Variants in BRIP1 observed in about 807,000 individuals in gnomAD.
BRIP1 encodes Fanconi anemia group J protein.
In BRIP1, 88 loss-of-function variants were observed where a neutral mutation model predicts 119.7. The ratio of observed to expected loss-of-function variants is 0.74; its 90% CI spans 0.62 to 0.88. The LOEUF (loss-of-function observed/expected upper bound fraction) is 0.88. BRIP1 is among the 40% of genes least tolerant of loss of function. The pLI is 0.00. For synonymous variants in BRIP1, 443 were observed against 496.5 expected, an observed-to-expected ratio of 0.89 and a Z score of 1.43; for missense variants, 1,259 against 1,455.4, an observed-to-expected ratio of 0.87 and a Z score of 2.20.
chr17:61,801,246 T>C lies in BRIP1; in HGVS notation c.1140+7A>G, dbSNP rs1299846526. ...AAGAAGGTTCTCATTTTTACACATA[T>C]ACTCACACTTTCCCTTATTTGTGCA... On this transcript the variant is annotated splice_region_variant and intron_variant, in intron 8 of 19. Transcript: ENST00000259008. 9 of 1,603,552 alleles carry C rather than the reference T, an allele frequency of 5.6e-6. No homozygotes were observed. The highest frequency in any genetic ancestry group is 1.1e-5 in the South Asian group (1 of 90,860).
chr17:61,725,145 GTA>G lies in BRIP1; in HGVS notation c.2380-9084_2380-9083del, dbSNP rs78484940. On this transcript the variant is annotated intron_variant, in intron 16 of 19. Transcript: ENST00000259008. The surrounding 1 kb of genome is among the most constrained non-coding windows in gnomAD (Gnocchi z 5.3). ...ATAGTGTGTGTGTGTGTGTGTGTGT[GTA>G]TATACACTTTTTTTAAATGGGGAAA... Among the ~76,000 whole-genome samples the G allele has an allele frequency of 1.3e-4, 20 of 148,842 alleles. No individual in the cohort carries two copies. Among genetic ancestry groups the G allele is most frequent in the Admixed American group, 3.5e-4 (5 of 14,408 alleles).
chr17:61,696,428 G>T (rs1340430947), intron 17 of BRIP1, among the ~76,000 whole-genome samples: 2 of 151,936 alleles, frequency 1.3e-5, no homozygotes, highest in Non-Finnish European at 2.9e-5. Flanking sequence ...TTCTCGTAAT[G>T]TATTTTACTT....
chr17:61,707,498 T>C (rs2061708079), intron 17 of BRIP1, among the ~76,000 whole-genome samples: 1 of 152,138 alleles, frequency 6.6e-6, no homozygotes, highest in Middle Eastern at 3.2e-3. Context: ...TTTTTTCTGT[T>C]CTCATGATCT....
At chr17:61,765,337 T>TATACAC (rs2077335963) in intron 14 of BRIP1, among the ~76,000 whole-genome samples, 1 of 121,724 alleles carries the variant, frequency 8.2e-6, no homozygotes, top group African/African-American at 3.1e-5. Flanking sequence ...CACATACACA[T>TATACAC]ATACACATAC....
intron 17 of BRIP1, among the ~76,000 whole-genome samples, chr17:61,696,198 CTT>C (rs56672402): frequency 0.59 from 79,981 of 136,714 alleles, 22,834 homozygotes; most frequent in Admixed American, 0.71. Context: ...CTGTTTTATG[CTT>C]TTTTTTTTTT....
Position 61,841,450 on chromosome 17 carries a change from T to G in BRIP1, c.627+5651A>C, listed in dbSNP as rs975309561. Among the ~76,000 whole-genome samples, 1 of 152,236 alleles carries G rather than the reference T, an allele frequency of 6.6e-6. No homozygotes were observed. Among genetic ancestry groups the G allele is most frequent in the South Asian group, 2.1e-4 (1 of 4,828 alleles). On this transcript the variant is annotated intron_variant, in intron 6 of 19. Coordinates refer to ENST00000259008, the MANE Select transcript of BRIP1 (RefSeq NM_032043.3). This position sits in a 1 kb window ranked among gnomAD's most constrained non-coding sequence, Gnocchi z 4.1. Reference sequence around the variant, plus strand: ...AGCCAACAAGAACATGAAAAAATGCTGAACATCACTAATCATCAGGGAAAT... The same window carrying G: ...AGCCAACAAGAACATGAAAAAATGCGGAACATCACTAATCATCAGGGAAAT...
Position 61,852,724 on chromosome 17 carries a change from G to T in BRIP1, c.380-3468C>A, listed in dbSNP as rs2078840154. ...CTTGATTAGGCAATTCACTAAAGAGGGTATCCAAATGACCAATAAACATAT... is the reference window on the plus strand; with the variant it reads ...CTTGATTAGGCAATTCACTAAAGAGTGTATCCAAATGACCAATAAACATAT... On this transcript the variant is annotated intron_variant, in intron 4 of 19. Transcript: ENST00000259008. This position sits in a 1 kb window ranked among gnomAD's most constrained non-coding sequence, Gnocchi z 4.9. Among the ~76,000 whole-genome samples the T allele has an allele frequency of 1.3e-5, 2 of 151,650 alleles. No individual in the cohort carries two copies. Among genetic ancestry groups the T allele is most frequent in the African/African-American group, 2.4e-5 (1 of 41,258 alleles).
rs556566275 is a variant in BRIP1 at position 61,691,948 on chromosome 17, A to G, written c.2575+1482T>C. On this transcript the variant is annotated intron_variant, in intron 18 of 19. Coordinates refer to ENST00000259008, the MANE Select transcript of BRIP1 (RefSeq NM_032043.3). The surrounding 1 kb of genome is among the most constrained non-coding windows in gnomAD (Gnocchi z 5.0). ...AACATAATAGAGAGCTCAGAAGCAG[A>G]TCCACACATATATGGTCAGCGGATC... 1.8e-3 allele frequency among the ~76,000 whole-genome samples: 271 copies of G among 152,378 alleles called. 1 individual carries two copies. The highest frequency in any genetic ancestry group is 0.017 in the Middle Eastern group (5 of 294).
rs575325393 is a variant in BRIP1 at position 61,679,218 on chromosome 17, TA to T, written c.*4077del. Among the ~76,000 whole-genome samples the T allele has an allele frequency of 2.4e-4, 37 of 152,340 alleles. No homozygotes were observed. The highest frequency in any genetic ancestry group is 2.3e-3 in the Admixed American group (35 of 15,302). On this transcript the variant is annotated 3_prime_UTR_variant, in exon 20 of 20. Transcript: ENST00000259008. This position sits in a 1 kb window ranked among gnomAD's most constrained non-coding sequence, Gnocchi z 4.4. ...AAAATAACGGGGAAAAGCTTTTTGT[TA>T]AAATTAATGTTTTGAATAGAAAGAT...
intron 18 of BRIP1, among the ~76,000 whole-genome samples, chr17:61,688,240 G>A (rs763867060): frequency 1.3e-5 from 2 of 152,176 alleles, no homozygotes; most frequent in South Asian, 2.1e-4. Flanking sequence ...TAGGGAGGCC[G>A]AGGCAGGCAG....
chr17:61,837,351 A>G (rs1490550055), intron 6 of BRIP1, among the ~76,000 whole-genome samples: 1 of 152,166 alleles, frequency 6.6e-6, no homozygotes, highest in East Asian at 1.9e-4. Context: ...AGGAAGAAAA[A>G]GGAAGAAAAA....
At chr17:61,786,597 TA>T (rs1436673688) in intron 10 of BRIP1, among the ~76,000 whole-genome samples, 1 of 146,768 alleles carries the variant, frequency 6.8e-6, no homozygotes, top group South Asian at 2.1e-4. Context: ...TATAATATAA[TA>T]AAAATATAAT....
Position 61,753,219 on chromosome 17 carries a change from C to G in BRIP1, c.2098-8628G>C, listed in dbSNP as rs1473490095. Among the ~76,000 whole-genome samples the G allele has an allele frequency of 6.6e-6, 1 of 152,144 alleles. No individual in the cohort carries two copies. Among genetic ancestry groups the G allele is most frequent in the Non-Finnish European group, 1.5e-5 (1 of 68,026 alleles). On this transcript the variant is annotated intron_variant, in intron 14 of 19. Coordinates refer to ENST00000259008, the MANE Select transcript of BRIP1 (RefSeq NM_032043.3). The surrounding 1 kb of genome is among the most constrained non-coding windows in gnomAD (Gnocchi z 4.6). The stretch of plus-strand genomic sequence containing the variant: ...AGAAGGCCCGCACCAGATGCAGCCT[C>G]TCAGTCTTGAACTTCTCAGCCTCTG...
chr17:61,707,762 G>T (rs920310966), intron 17 of BRIP1, among the ~76,000 whole-genome samples: 1 of 151,830 alleles, frequency 6.6e-6, no homozygotes, highest in African/African-American at 2.4e-5. Context: ...CCTATCTGGG[G>T]GTTGGCAAAC....
rs1372442441 is a variant in BRIP1 at position 61,810,311 on chromosome 17, A to G, written c.628-1554T>C. Among the ~76,000 whole-genome samples the G allele has an allele frequency of 6.6e-6, 1 of 152,238 alleles. No individual in the cohort carries two copies. Among genetic ancestry groups the G allele is most frequent in the Non-Finnish European group, 1.5e-5 (1 of 68,034 alleles). On this transcript the variant is annotated intron_variant, in intron 6 of 19. Transcript: ENST00000259008. This position sits in a 1 kb window ranked among gnomAD's most constrained non-coding sequence, Gnocchi z 4.7. ...ACAGCTGACATGTGGTTTATGTTACATATGTTGCAATATCCAACAATTTAC... is the reference window on the plus strand; with the variant it reads ...ACAGCTGACATGTGGTTTATGTTACGTATGTTGCAATATCCAACAATTTAC...
At position 61,729,880 on chromosome 17, in the gene BRIP1, C is replaced by T. The variant is rs374080925; in HGVS notation, c.2379+13133G>A. On this transcript the variant is annotated intron_variant, in intron 16 of 19. Coordinates refer to ENST00000259008, the MANE Select transcript of BRIP1 (RefSeq NM_032043.3). The surrounding 1 kb of genome is among the most constrained non-coding windows in gnomAD (Gnocchi z 5.6). ...GGTGACCGTGGGGGGTGTCTAGATC[C>T]CACTACCGGCATCTAGTGGGTAAAT... is the stretch of plus-strand genomic sequence containing the variant. Among the ~76,000 whole-genome samples, 1 of 152,012 alleles carries T rather than the reference C, an allele frequency of 6.6e-6. No homozygotes were observed. Among genetic ancestry groups the T allele is most frequent in the African/African-American group, 2.4e-5 (1 of 41,442 alleles).
At position 61,841,907 on chromosome 17, in the gene BRIP1, C is replaced by T. The variant is rs1475397661; in HGVS notation, c.627+5194G>A. ...ATGTTGCCGGGGCTGGTCTCAAACT[C>T]CTGGCCTGAGTGATTCTCCTACCTG... On this transcript the variant is annotated intron_variant, in intron 6 of 19. Coordinates refer to ENST00000259008, the MANE Select transcript of BRIP1 (RefSeq NM_032043.3). This position sits in a 1 kb window ranked among gnomAD's most constrained non-coding sequence, Gnocchi z 4.1. 1.3e-5 allele frequency among the ~76,000 whole-genome samples: 2 copies of T among 152,034 alleles called. No homozygotes were observed. The highest frequency in any genetic ancestry group is 3.8e-4 in the East Asian group (2 of 5,196).
In BRIP1 at chr17:61,701,272, C is replaced by T. The variant is rs924255154; in HGVS notation, c.2493-7760G>A. Among the ~76,000 whole-genome samples, 7 of 152,098 alleles carry T rather than the reference C, an allele frequency of 4.6e-5. No homozygotes were observed. The highest frequency in any genetic ancestry group is 7.2e-5 in the African/African-American group (3 of 41,422). On this transcript the variant is annotated intron_variant, in intron 17 of 19. Coordinates refer to ENST00000259008, the MANE Select transcript of BRIP1 (RefSeq NM_032043.3). The surrounding 1 kb of genome is among the most constrained non-coding windows in gnomAD (Gnocchi z 5.1). ...AATATAATGTGGCAAATATAGAAAT[C>T]GGATTATTCTCCCTCTTCAAGGTTT...
chr17:61,741,140 A>G (rs2076981622), intron 16 of BRIP1, among the ~76,000 whole-genome samples: 2 of 152,224 alleles, frequency 1.3e-5, no homozygotes, highest in African/African-American at 4.8e-5. Flanking sequence ...AATAGTTCCT[A>G]TCTCAAGAAA....
Sources: gnomAD v4.1 joint callset for allele counts (sites outside exome capture counted in the v4.1 genomes callset) on GRCh38, gnomAD v4.1.1 for gene constraint, Gnocchi (gnomAD v3.1) non-coding constraint, MANE v1.5 for transcripts, NCBI Gene and HGNC (gene_info 2026-07-23, HGNC 2026-07-21) for gene names.